Variants in PIGP observed in about 807,000 individuals in gnomAD.
The protein encoded by PIGP is phosphatidylinositol glycan anchor biosynthesis class P, also known as phosphatidylinositol N-acetylglucosaminyltransferase subunit P.
Under a neutral mutation model 16.9 loss-of-function variants are expected in PIGP, and 12 were observed. The ratio of observed to expected loss-of-function variants is 0.71; its 90% CI spans 0.46 to 1.15. PIGP has a LOEUF of 1.15. Among genes scored for constraint, PIGP ranks in the 50% most tolerant of loss-of-function variants. The pLI, the probability that PIGP is intolerant of heterozygous loss-of-function variation, is 0.00. For synonymous variants in PIGP, 57 were observed against 54.7 expected, an observed-to-expected ratio of 1.04 and a Z score of -0.18; for missense variants, 159 against 153.5, an observed-to-expected ratio of 1.04 and a Z score of -0.19.
chr21:37,068,778 C>T (rs1285882896), intron 3 of PIGP, among the ~76,000 whole-genome samples: 3 of 152,144 alleles, frequency 2.0e-5, no homozygotes, highest in African/African-American at 7.2e-5. Flanking sequence ...CAGGAAAGAA[C>T]TATCTATCTT....
intron 3 of PIGP, 63 bp from the exon 4 acceptor site, chr21:37,067,443 C>G (rs538854473): frequency 2.8e-5 from 25 of 896,584 alleles, no homozygotes; most frequent in Non-Finnish European, 4.2e-5. Context: ...TCTCAAGAGT[C>G]GGTCACAAAG....
chr21:37,065,467 C>A lies in PIGP; in HGVS notation c.*115G>T. On this transcript the variant is annotated 3_prime_UTR_variant, in exon 5 of 5. Transcript: ENST00000360525. ...CATAATCTAAGAGAAGGTCAACTTA[C>A]ATTTTTTACTTCTCTATTAATAAGA... 1 of 995,352 alleles carries A rather than the reference C, an allele frequency of 1.0e-6. No individual in the cohort carries two copies. The highest frequency in any genetic ancestry group is 1.6e-5 in the South Asian group (1 of 64,220). The allele number at this position is 995,352 out of a possible 1,614,324, so 61.7% of individuals were successfully genotyped here.
chr21:37,070,567 T>TC (rs2069987345), intron 2 of PIGP, among the ~76,000 whole-genome samples: 1 of 152,198 alleles, frequency 6.6e-6, no homozygotes, highest in African/African-American at 2.4e-5. Context: ...GCTTAATTTC[T>TC]CCCCATAGTA....
intron 2 of PIGP, 193 bp downstream of exon 2, chr21:37,072,241 G>A: frequency 6.2e-7 from 1 of 1,611,880 alleles, no homozygotes; most frequent in South Asian, 1.1e-5. Flanking sequence ...AATATTTGTA[G>A]AGACTAAAAC....
rs771902076 is a variant in PIGP, at chr21:37,072,465, A to G, written c.51T>C (p.Phe17=). Residue 17 remains phenylalanine, a synonymous_variant, in exon 2 of 5, where the codon TTT becomes TTC. Coordinates refer to ENST00000360525, the MANE Select transcript of PIGP (RefSeq NM_153682.3). ...CAAATTGGGAGCTTAAGAAAAGAAC[A>G]AAGCCATAAATCGCTCTTTCTGGCA... ...SPLPERAIYG[F]VLFLSSQFGF... is the part of the protein sequence containing the mutation. 3 of 1,614,274 alleles carry G rather than the reference A, an allele frequency of 1.9e-6. No homozygotes were observed. The highest frequency in any genetic ancestry group is 2.5e-6 in the Non-Finnish European group (3 of 1,180,046).
intron 3 of PIGP, among the ~76,000 whole-genome samples, chr21:37,068,565 A>G (rs1444444264): frequency 6.6e-6 from 1 of 151,572 alleles, no homozygotes; most frequent in East Asian, 1.9e-4. Flanking sequence ...TTCATGCTAG[A>G]GGCTTTCTTT....
intron 3 of PIGP, 84 bp downstream of exon 3, chr21:37,069,468 A>T: frequency 1.3e-6 from 1 of 766,278 alleles, no homozygotes; most frequent in Non-Finnish European, 2.1e-6. Flanking sequence ...ACAAATATTT[A>T]AGATTTGGGT....
At chr21:37,072,633 C>G in intron 1 of PIGP, 96 bp from the exon 2 acceptor site, 1 of 1,592,340 alleles carries the variant, frequency 6.3e-7, no homozygotes, top group African/African-American at 1.3e-5. Flanking sequence ...CGGCCCCCGC[C>G]GCGCAGAACC....
chr21:37,072,812 G>C (rs372447302), intron 1 of PIGP, 188 bp downstream of exon 1: 1 of 535,346 alleles, frequency 1.9e-6, no homozygotes, highest in Non-Finnish European at 3.3e-6. Flanking sequence ...CCCTGTGGGA[G>C]GGGAGGGCAG....
chr21:37,072,066 T>C, intron 2 of PIGP: 1 of 793,410 alleles, frequency 1.3e-6, no homozygotes, highest in Non-Finnish European at 2.3e-6. Flanking sequence ...TAGAAAGCCT[T>C]GACTTTCCAG....
In PIGP at chr21:37,065,693, T is replaced by C; in HGVS notation, c.294A>G (p.Gln98=). The change falls in exon 5 of 5, where the codon CAA becomes CAG. Residue 98 remains glutamine (Q), a synonymous_variant. Transcript: ENST00000360525. ...HTITDNYAKN[Q]QQKKYQEEAI... ...CCTCCTCTTGGTATTTCTTCTGCTG[T>C]TGATTTTTTGCATAGTTATCTGTAA... 1 of 1,613,172 alleles carries C rather than the reference T, an allele frequency of 6.2e-7. No individual in the cohort carries two copies. Among genetic ancestry groups the C allele is most frequent in the Non-Finnish European group, 8.5e-7 (1 of 1,179,642 alleles).
intron 2 of PIGP, 30 bp downstream of exon 2, chr21:37,072,404 C>T (rs2146817527): frequency 6.2e-7 from 1 of 1,613,204 alleles, no homozygotes; most frequent in Non-Finnish European, 8.5e-7. Context: ...CCAGAAAAAG[C>T]CCCTGGCCAT....
Position 37,072,636 on chromosome 21 carries a change from GCAGAACCGCC to G in PIGP, c.-22-109_-22-100del, listed in dbSNP as rs768044552. The stretch of plus-strand genomic sequence containing the variant: ...CCGCCGCGGGTACGGCCCCCGCCGC[GCAGAACCGCC>G]TCCCGCGCCTCCGTCCGCAACCCGC... On this transcript the variant is annotated intron_variant, in intron 1 of 4. Coordinates refer to ENST00000360525, the MANE Select transcript of PIGP (RefSeq NM_153682.3). 347 of 1,592,650 alleles carry G rather than the reference GCAGAACCGCC, an allele frequency of 2.2e-4. 1 individual carries two copies. In the African/African-American group the frequency reaches 4.4e-3, roughly 20 times the overall value.
intron 4 of PIGP, among the ~76,000 whole-genome samples, chr21:37,066,172 A>T (rs2069900484): frequency 6.6e-6 from 1 of 152,156 alleles, no homozygotes; most frequent in South Asian, 2.1e-4. Context: ...TCTAACTTGG[A>T]AAGAAATCAA....
rs546358416 is a variant in PIGP at position 37,066,082 on chromosome 21, CAAAAATA to C, written c.275-377_275-371del. Among the ~76,000 whole-genome samples the C allele has an allele frequency of 5.5e-3, 824 of 148,552 alleles. 4 individuals carry two copies. The highest frequency in any genetic ancestry group is 0.02 in the African/African-American group (789 of 40,232). ...TGGGTGACAGAGCGAGACTCCATCTCAAAAATAAAAAATAAAAAATAAATAAATAAAT... is the reference window on the plus strand; with the variant it reads ...TGGGTGACAGAGCGAGACTCCATCTCAAAAATAAAAAATAAATAAATAAAT... On this transcript the variant is annotated intron_variant, in intron 4 of 4. Coordinates refer to ENST00000360525, the MANE Select transcript of PIGP (RefSeq NM_153682.3).
At chr21:37,071,374 A>G (rs28503645) in intron 2 of PIGP, among the ~76,000 whole-genome samples, 53,012 of 152,102 alleles carry the variant, frequency 0.35, 11,098 homozygotes, top group Middle Eastern at 0.5. Flanking sequence ...TTTAAAGGAC[A>G]GTAATAACAG....
At chr21:37,065,956 G>A (rs1247809099) in intron 4 of PIGP, among the ~76,000 whole-genome samples, 2 of 152,056 alleles carry the variant, frequency 1.3e-5, no homozygotes, top group African/African-American at 4.8e-5. Flanking sequence ...GGTGGCGGGC[G>A]CCTGTAGTCC....
chr21:37,072,156 C>G (rs758701463), intron 2 of PIGP: 2 of 1,208,642 alleles, frequency 1.7e-6, no homozygotes, highest in African/African-American at 3.0e-5. Context: ...CATCTGTCTC[C>G]TCCACAAGAC....
At chr21:37,068,168 T>A (rs576393348) in intron 3 of PIGP, among the ~76,000 whole-genome samples, 1 of 151,614 alleles carries the variant, frequency 6.6e-6, no homozygotes, top group East Asian at 1.9e-4. Context: ...TAATTTTTAA[T>A]TTTTTTGTAG....
Sources: allele counts gnomAD v4.1 joint callset (sites outside exome capture counted in the v4.1 genomes callset), GRCh38; gene constraint gnomAD v4.1.1; transcripts MANE v1.5; gene names NCBI Gene and HGNC (gene_info 2026-07-23, HGNC 2026-07-21).